The following RCAN3 variants were observed in gnomAD, a reference collection of about 807,000 sequenced individuals.
The protein encoded by RCAN3 is regulator of calcineurin 3.
RCAN3 carries 19 observed loss-of-function variants against 21.9 expected under a neutral mutation model. The ratio of observed to expected loss-of-function variants is 0.87; its 90% CI spans 0.61 to 1.27. The LOEUF (loss-of-function observed/expected upper bound fraction) is 1.27. RCAN3 is among the 50% of genes most tolerant of loss of function. The pLI is 0.00. For missense variants in RCAN3, 240 were observed against 300.1 expected, an observed-to-expected ratio of 0.80 and a Z score of 1.48; for synonymous variants, 114 against 112.3, an observed-to-expected ratio of 1.01 and a Z score of -0.09.
At chr1:24,532,948 CAAAAAAAAAA>C (rs756973308) in intron 3 of RCAN3, 125 bp from the exon 4 acceptor site, 10 of 93,222 alleles carry the variant, frequency 1.1e-4, no homozygotes, top group African/African-American at 6.9e-4. Context: ...GACTCCGTCT[CAAAAAAAAAA>C]AAAAAAAAAA....
rs1288235119 is a variant in RCAN3, at chr1:24,525,829, A to G, written c.196-5389A>G. Among the ~76,000 whole-genome samples the G allele has an allele frequency of 6.6e-6, 1 of 152,134 alleles. No individual in the cohort carries two copies. Among genetic ancestry groups the G allele is most frequent in the African/African-American group, 2.4e-5 (1 of 41,426 alleles). On this transcript the variant is annotated intron_variant, in intron 2 of 4. Transcript: ENST00000374395. The surrounding 1 kb of genome is among the most constrained non-coding windows in gnomAD (Gnocchi z 4.1). ...CGGGTTATCAGGGGCAGCCTCAGGA[A>G]TCTACATGGGGATGTCTGTGGACTC...
intron 1 of RCAN3, among the ~76,000 whole-genome samples, chr1:24,508,574 C>A (rs185630293): frequency 1.2e-3 from 188 of 152,230 alleles, no homozygotes; most frequent in African/African-American, 4.4e-3. Flanking sequence ...CAGGAAGAGG[C>A]AAGACCCAGA....
rs1647210133 is a variant in RCAN3, at chr1:24,503,117, G to C, written c.-93G>C. 6.7e-6 allele frequency: 1 copy of C among 148,908 alleles called. No individual in the cohort carries two copies. The highest frequency in any genetic ancestry group is 2.4e-5 in the African/African-American group (1 of 40,962). 9.2% of individuals were successfully genotyped at this position (148,908 alleles called of 1,614,324 possible). On this transcript the variant is annotated 5_prime_UTR_variant, in exon 1 of 5. Coordinates refer to ENST00000374395, the MANE Select transcript of RCAN3 (RefSeq NM_013441.4). The stretch of plus-strand genomic sequence containing the variant: ...CCGTCCTGCGGCGGCGGGGCGTGCA[G>C]GTGAGGCCCCACGGCGCCCGGCCTC...
chr1:24,514,963 T>C (rs1009239175), intron 2 of RCAN3, among the ~76,000 whole-genome samples: 4 of 113,566 alleles, frequency 3.5e-5, no homozygotes, highest in Non-Finnish European at 5.6e-5. Flanking sequence ...AGTGAGACTC[T>C]GTCTCAAAAA....
chr1:24,531,913 T>C (rs1649791856), intron 3 of RCAN3, among the ~76,000 whole-genome samples: 1 of 152,232 alleles, frequency 6.6e-6, no homozygotes, highest in African/African-American at 2.4e-5. Context: ...TAATCCTGCA[T>C]TGGTGTGACT....
chr1:24,536,550 A>G lies in RCAN3; in HGVS notation c.*1273A>G, dbSNP rs543405197. On this transcript the variant is annotated 3_prime_UTR_variant, in exon 5 of 5. Coordinates refer to ENST00000374395, the MANE Select transcript of RCAN3 (RefSeq NM_013441.4). ...CTGTAGAAAAGTCTCATAACTGAGAAGGCTCTGTTTTGGGCCGGGTGGGTC... is the reference window on the plus strand; with the variant it reads ...CTGTAGAAAAGTCTCATAACTGAGAGGGCTCTGTTTTGGGCCGGGTGGGTC... 6.6e-6 allele frequency: 1 copy of G among 152,340 alleles called. No individual in the cohort carries two copies. The highest frequency in any genetic ancestry group is 1.9e-4 in the East Asian group (1 of 5,184). The allele number at this position is 152,340 out of a possible 1,614,324, so 9.4% of individuals were successfully genotyped here. A position where few individuals can be genotyped will look rare whatever the true frequency, so the allele number is the denominator to read the frequency against.
chr1:24,505,438 G>A (rs762305545), intron 1 of RCAN3, among the ~76,000 whole-genome samples: 7 of 151,610 alleles, frequency 4.6e-5, no homozygotes, highest in Non-Finnish European at 1.0e-4. Context: ...GCCCGGGCTG[G>A]TCTCGAACTC....
intron 2 of RCAN3, among the ~76,000 whole-genome samples, chr1:24,522,754 T>G (rs1279599607): frequency 6.6e-6 from 1 of 152,142 alleles, no homozygotes; most frequent in East Asian, 1.9e-4. Context: ...TGGTTATTCC[T>G]CTTATGTAAG....
chr1:24,519,575 T>C (rs1648628763), intron 2 of RCAN3, among the ~76,000 whole-genome samples: 1 of 152,196 alleles, frequency 6.6e-6, no homozygotes, highest in Non-Finnish European at 1.5e-5. Context: ...GCCCTTTGTA[T>C]ATAAAACTGT....
In RCAN3 at chr1:24,535,298, G is replaced by A. The variant is rs1226693031; in HGVS notation, c.*21G>A. ...TGTGAGGCCCTTGGTTGTGGTGCGA[G>A]GCGGCTGCCCTGGTGGGCTCTGGCC... is the stretch of plus-strand genomic sequence containing the variant. On this transcript the variant is annotated 3_prime_UTR_variant, in exon 5 of 5. Transcript: ENST00000374395. 6.6e-7 allele frequency: 1 copy of A among 1,514,714 alleles called. No homozygotes were observed. The highest frequency in any genetic ancestry group is 2.4e-5 in the East Asian group (1 of 42,114). 93.8% of individuals were successfully genotyped at this position (1,514,714 alleles called of 1,614,324 possible).
At chr1:24,510,927 C>G (rs534450603) in intron 1 of RCAN3, among the ~76,000 whole-genome samples, 1 of 152,102 alleles carries the variant, frequency 6.6e-6, no homozygotes, top group African/African-American at 2.4e-5. Flanking sequence ...TCAATATTGT[C>G]GTGTCTCAGA....
chr1:24,505,157 T>C (rs897956841), intron 1 of RCAN3, among the ~76,000 whole-genome samples: 1 of 151,588 alleles, frequency 6.6e-6, no homozygotes, highest in Non-Finnish European at 1.5e-5. Flanking sequence ...GGCTTCGTGA[T>C]AGCCGTTCAG....
At chr1:24,531,186 C>T in intron 2 of RCAN3, 32 bp from the exon 3 acceptor site, 1 of 1,397,814 alleles carries the variant, frequency 7.2e-7, no homozygotes, top group Non-Finnish European at 9.5e-7. Context: ...TTTTCCTCCC[C>T]TTCCCTTTGC....
At chr1:24,512,367 G>A (rs1430886273) in intron 1 of RCAN3, among the ~76,000 whole-genome samples, 1 of 150,878 alleles carries the variant, frequency 6.6e-6, no homozygotes, top group Non-Finnish European at 1.5e-5. Flanking sequence ...AAAAAATTAA[G>A]TACAGCTGAC....
chr1:24,514,310 A>G lies in RCAN3; in HGVS notation c.-59-4A>G, dbSNP rs1313015575. ...TACCTCTGCATTTTCTTTTTTTTTA[A>G]CAGTGGGTGCCTGATAGACATCCTA... is the stretch of plus-strand genomic sequence containing the variant. On this transcript the variant is annotated splice_polypyrimidine_tract_variant and splice_region_variant and intron_variant, in intron 1 of 4. Transcript: ENST00000374395. 2.3e-5 allele frequency: 31 copies of G among 1,375,166 alleles called. No homozygotes were observed. The highest frequency in any genetic ancestry group is 2.6e-5 in the Non-Finnish European group (27 of 1,035,262). The allele number at this position is 1,375,166 out of a possible 1,614,324, so 85.2% of individuals were successfully genotyped here.
intron 2 of RCAN3, among the ~76,000 whole-genome samples, chr1:24,529,065 A>G (rs994639507): frequency 1.3e-5 from 2 of 152,210 alleles, no homozygotes; most frequent in African/African-American, 2.4e-5. Context: ...TGAGAAACAT[A>G]CATCTAAATA....
In RCAN3 at chr1:24,540,303, G is replaced by C. The variant is rs74060399; in HGVS notation, c.*5026G>C. 6.6e-6 allele frequency: 1 copy of C among 152,470 alleles called. No homozygotes were observed. Among genetic ancestry groups the C allele is most frequent in the Admixed American group, 6.5e-5 (1 of 15,268 alleles). 9.4% of individuals were successfully genotyped at this position (152,470 alleles called of 1,614,324 possible). A position where few individuals can be genotyped will look rare whatever the true frequency, so the allele number is the denominator to read the frequency against. On this transcript the variant is annotated 3_prime_UTR_variant, in exon 5 of 5. Coordinates refer to ENST00000374395, the MANE Select transcript of RCAN3 (RefSeq NM_013441.4). ...CGTCTCTACCCACTTAAATAACAGC[G>C]TAAAGATCTTTCACTAAATTCGTTA...
chr1:24,534,419 A>G (rs1650046378), intron 4 of RCAN3, among the ~76,000 whole-genome samples: 1 of 152,104 alleles, frequency 6.6e-6, no homozygotes, highest in South Asian at 2.1e-4. Flanking sequence ...CCTGGCCAAC[A>G]TGATAAAACC....
chr1:24,522,149 G>T (rs1017676886), intron 2 of RCAN3, among the ~76,000 whole-genome samples: 8 of 152,120 alleles, frequency 5.3e-5, no homozygotes, highest in African/African-American at 1.9e-4. Context: ...TATATACCAA[G>T]AATATATTTT....
Sources: gnomAD v4.1 joint callset for allele counts (sites outside exome capture counted in the v4.1 genomes callset) on GRCh38, gnomAD v4.1.1 for gene constraint, Gnocchi (gnomAD v3.1) non-coding constraint, MANE v1.5 for transcripts, NCBI Gene and HGNC (gene_info 2026-07-23, HGNC 2026-07-21) for gene names.